RBFOX3: variants seen among roughly 807,000 people sequenced by gnomAD.
RBFOX3 encodes the protein RNA binding protein fox-1 homolog 3.
In RBFOX3, 17 loss-of-function variants were observed where a neutral mutation model predicts 48.7. The observed-to-expected ratio is 0.35, with a 90% CI of 0.24 to 0.52. RBFOX3 has a LOEUF of 0.52. RBFOX3 is among the 20% of genes least tolerant of loss of function. The probability of loss-of-function intolerance (pLI) is 0.94; values close to 1 mark genes in which losing one functional copy is unlikely to be tolerated. For synonymous variants in RBFOX3, 212 were observed against 209.5 expected, an observed-to-expected ratio of 1.01 and a Z score of -0.10; for missense variants, 382 against 497.5, an observed-to-expected ratio of 0.77 and a Z score of 2.21.
chr17:79,295,438 G>A (rs1448121854), intron 3 of RBFOX3, among the ~76,000 whole-genome samples: 2 of 152,150 alleles, frequency 1.3e-5, no homozygotes, highest in East Asian at 1.9e-4. Context: ...GATGCCTGCC[G>A]CCTTGGTGGC....
At chr17:79,600,394 T>G (rs1475963248) in intron 1 of RBFOX3, 6 of 152,130 alleles carry the variant, frequency 3.9e-5, no homozygotes, top group African/African-American at 1.2e-4. Flanking sequence ...TGTGCACTGA[T>G]ATGCACGCAC....
chr17:79,471,050 T>C lies in RBFOX3; in HGVS notation c.-175+11404A>G, dbSNP rs2077000920. On this transcript the variant is annotated intron_variant, in intron 2 of 14. Coordinates refer to ENST00000693108, the MANE Select transcript of RBFOX3 (RefSeq NM_001350451.2). The surrounding 1 kb of genome is among the most constrained non-coding windows in gnomAD (Gnocchi z 4.0). ...CAGCAGAACCAGCCCTTCCTTTCTA[T>C]TCACTGAAGGAGAAAAAACAGAATT... Among the ~76,000 whole-genome samples the C allele has an allele frequency of 6.6e-6, 1 of 152,188 alleles. No individual in the cohort carries two copies. The highest frequency in any genetic ancestry group is 6.5e-5 in the Admixed American group (1 of 15,282).
chr17:79,340,409 A>G (rs35647708), intron 2 of RBFOX3, among the ~76,000 whole-genome samples: 30,366 of 151,942 alleles, frequency 0.2, 3,556 homozygotes, highest in Non-Finnish European at 0.27. Context: ...CAGAAGTGAA[A>G]GCTTCTATTC....
chr17:79,353,040 G>A (rs778287218), intron 2 of RBFOX3, among the ~76,000 whole-genome samples: 4 of 152,202 alleles, frequency 2.6e-5, no homozygotes, highest in East Asian at 1.9e-4. Context: ...GGACTGCCTC[G>A]GGACATCAGG....
At chr17:79,430,029 T>C (rs1468355224) in intron 2 of RBFOX3, among the ~76,000 whole-genome samples, 10 of 151,936 alleles carry the variant, frequency 6.6e-5, no homozygotes, top group Non-Finnish European at 1.2e-4. Context: ...CGAGGCGAGG[T>C]GGGGGAGCCT....
chr17:79,370,869 G>A (rs2058442694), intron 2 of RBFOX3, among the ~76,000 whole-genome samples: 1 of 152,204 alleles, frequency 6.6e-6, no homozygotes, highest in African/African-American at 2.4e-5. Flanking sequence ...TGCTTCTCTG[G>A]GTCCTTAGTT....
Position 79,263,512 on chromosome 17 carries a change from G to A in RBFOX3, c.-73-27707C>T, listed in dbSNP as rs531486382. On this transcript the variant is annotated intron_variant, in intron 3 of 14. Coordinates refer to ENST00000693108, the MANE Select transcript of RBFOX3 (RefSeq NM_001350451.2). ...TGGCTGGGAGAGTCCCGTGCTGCTC[G>A]TGGCAGAAGTCCTGGGAGTGGCCAC... 1.3e-3 allele frequency among the ~76,000 whole-genome samples: 197 copies of A among 152,306 alleles called. 1 individual carries two copies. The highest frequency in any genetic ancestry group is 4.5e-3 in the African/African-American group (187 of 41,562).
Position 79,214,438 on chromosome 17 carries a change from G to T in RBFOX3, c.-34+21328C>A, listed in dbSNP as rs2058751306. Among the ~76,000 whole-genome samples, 1 of 152,168 alleles carries T rather than the reference G, an allele frequency of 6.6e-6. No individual in the cohort carries two copies. The highest frequency in any genetic ancestry group is 2.4e-5 in the African/African-American group (1 of 41,438). ...TGGGGGCTCTCTTCTTGAGAAAAGT[G>T]ATGCAAAGCCCTTTGGATCAGTGTG... On this transcript the variant is annotated intron_variant, in intron 4 of 14. Transcript: ENST00000693108. This position sits in a 1 kb window ranked among gnomAD's most constrained non-coding sequence, Gnocchi z 4.7.
intron 2 of RBFOX3, among the ~76,000 whole-genome samples, chr17:79,455,260 T>C (rs1397019984): frequency 2.6e-5 from 4 of 152,262 alleles, no homozygotes; most frequent in Admixed American, 6.5e-5. Context: ...CAGGCTACCG[T>C]GACGGGGGAG....
chr17:79,459,843 G>T (rs1555747614), intron 2 of RBFOX3, among the ~76,000 whole-genome samples: 3 of 152,144 alleles, frequency 2.0e-5, no homozygotes, highest in African/African-American at 7.2e-5. Flanking sequence ...TTGAGCACCA[G>T]AAATCTTCAG....
chr17:79,317,208 G>A (rs369791161), intron 2 of RBFOX3, among the ~76,000 whole-genome samples: 15 of 152,202 alleles, frequency 9.9e-5, no homozygotes, highest in East Asian at 3.9e-4. Context: ...CATATGGCCC[G>A]GCTGAAATTG....
At chr17:79,634,170 G>C in the RBFOX3 span, among the ~76,000 whole-genome samples, 5 of 152,170 alleles carry the variant, frequency 3.3e-5, no homozygotes, top group African/African-American at 1.2e-4. Flanking sequence ...ATGCTTCCCA[G>C]ACGCCACCCT....
At position 79,480,056 on chromosome 17, in the gene RBFOX3, T is replaced by C. The variant is rs2078557016; in HGVS notation, c.-175+2398A>G. ...AGAGCGACCTGACCAGGAGCCGTAG[T>C]GGATGGCACACCAGTGCTGCCTTCA... is the stretch of plus-strand genomic sequence containing the variant. On this transcript the variant is annotated intron_variant, in intron 2 of 14. Transcript: ENST00000693108. This position sits in a 1 kb window ranked among gnomAD's most constrained non-coding sequence, Gnocchi z 4.8. Among the ~76,000 whole-genome samples, 1 of 152,212 alleles carries C rather than the reference T, an allele frequency of 6.6e-6. No homozygotes were observed. Among genetic ancestry groups the C allele is most frequent in the Admixed American group, 6.5e-5 (1 of 15,284 alleles).
chr17:79,499,218 AT>A (rs1310876581), intron 1 of RBFOX3, among the ~76,000 whole-genome samples: 3 of 151,760 alleles, frequency 2.0e-5, no homozygotes, highest in Non-Finnish European at 4.4e-5. Flanking sequence ...ATACCTACTC[AT>A]ATATCCATTC....
chr17:79,556,705 A>C (rs2091787615), intron 1 of RBFOX3, among the ~76,000 whole-genome samples: 1 of 152,262 alleles, frequency 6.6e-6, no homozygotes, highest in Non-Finnish European at 1.5e-5. Context: ...ATTTACTGGC[A>C]AAAGGCAAAA....
chr17:79,177,540 C>T lies in RBFOX3; in HGVS notation c.-34+58226G>A, dbSNP rs1485310829. ...GTCAGCTTACCCCCCTCTGCGAGCC[C>T]AACCTGCTCCTCTGGCCCATACCGG... On this transcript the variant is annotated intron_variant, in intron 4 of 14. Transcript: ENST00000693108. 2.6e-5 allele frequency among the ~76,000 whole-genome samples: 4 copies of T among 152,206 alleles called. No individual in the cohort carries two copies. In the East Asian group the frequency reaches 7.7e-4, roughly 29 times the overall value.
intron 3 of RBFOX3, among the ~76,000 whole-genome samples, chr17:79,255,947 C>G (rs2064768135): frequency 6.6e-6 from 1 of 151,492 alleles, no homozygotes; most frequent in Non-Finnish European, 1.5e-5. Context: ...CAGAGGGGCA[C>G]AGCTGCCTCC....
intron 3 of RBFOX3, among the ~76,000 whole-genome samples, chr17:79,244,551 C>T (rs1232102031): frequency 6.7e-6 from 1 of 149,954 alleles, no homozygotes; most frequent in Non-Finnish European, 1.5e-5. Flanking sequence ...GTTTTCACCC[C>T]CTGCCTGCAC....
intron 3 of RBFOX3, among the ~76,000 whole-genome samples, chr17:79,275,734 G>A (rs550936236): frequency 1.3e-5 from 2 of 152,316 alleles, no homozygotes; most frequent in Admixed American, 6.5e-5. Context: ...CTAACACTGT[G>A]TGGTCAAGTG....
Sources: gnomAD v4.1 joint callset for allele counts (sites outside exome capture counted in the v4.1 genomes callset) on GRCh38, gnomAD v4.1.1 for gene constraint, Gnocchi (gnomAD v3.1) non-coding constraint, MANE v1.5 for transcripts, NCBI Gene and HGNC (gene_info 2026-07-23, HGNC 2026-07-21) for gene names.